Variants in DYNC2H1 observed in about 807,000 individuals in gnomAD.
DYNC2H1 encodes the protein cytoplasmic dynein 2 heavy chain 1.
DYNC2H1 carries 410 observed loss-of-function variants against 570.0 expected under a neutral mutation model. The observed-to-expected ratio is 0.72, with a 90% CI of 0.66 to 0.78. The LOEUF is 0.78. Among genes scored for constraint, DYNC2H1 ranks in the 30% least tolerant of loss-of-function variants. DYNC2H1 has a pLI of 0.00. For synonymous variants in DYNC2H1, 1,688 were observed against 1,677.6 expected, an observed-to-expected ratio of 1.01 and a Z score of -0.15; for missense variants, 4,865 against 5,046.4, an observed-to-expected ratio of 0.96 and a Z score of 1.09.
chr11:103,185,731 T>G lies in DYNC2H1; in HGVS notation c.6634-511T>G, dbSNP rs963491440. On this transcript the variant is annotated intron_variant, in intron 41 of 88. Coordinates refer to ENST00000375735, the MANE Select transcript of DYNC2H1 (RefSeq NM_001377.3). The surrounding 1 kb of genome is among the most constrained non-coding windows in gnomAD (Gnocchi z 4.5). ...TGTTACCACTCAGTGACATACTATA[T>G]GCTGCTTTTAAGCACATACTCTCTT... 6.6e-6 allele frequency among the ~76,000 whole-genome samples: 1 copy of G among 151,972 alleles called. No individual in the cohort carries two copies. The highest frequency in any genetic ancestry group is 2.4e-5 in the African/African-American group (1 of 41,422).
intron 69 of DYNC2H1, among the ~76,000 whole-genome samples, 158 bp from the exon 70 acceptor site, chr11:103,259,730 A>G (rs1865195025): frequency 6.6e-6 from 1 of 152,168 alleles, no homozygotes; most frequent in Non-Finnish European, 1.5e-5. Flanking sequence ...TTTTAATATT[A>G]TATTAGTATA....
At chr11:103,340,173 T>G (rs7481321) in intron 82 of DYNC2H1, among the ~76,000 whole-genome samples, 33,013 of 152,162 alleles carry the variant, frequency 0.22, 3,721 homozygotes, top group Admixed American at 0.31. Flanking sequence ...AGTGTTTTCT[T>G]GTGTTGATAG....
intron 84 of DYNC2H1, 28 bp from the exon 85 acceptor site, chr11:103,435,915 C>T: frequency 6.2e-7 from 1 of 1,606,604 alleles, no homozygotes; most frequent in Non-Finnish European, 8.5e-7. Context: ...TATACACAAA[C>T]TTAATTTTGA....
At chr11:103,398,866 T>C (rs1942503122) in intron 83 of DYNC2H1, among the ~76,000 whole-genome samples, 1 of 152,146 alleles carries the variant, frequency 6.6e-6, no homozygotes, top group Non-Finnish European at 1.5e-5. Flanking sequence ...AATACTAAGA[T>C]ATAATGTTCA....
chr11:103,424,225 G>C (rs1162518198), intron 84 of DYNC2H1, among the ~76,000 whole-genome samples: 2 of 151,292 alleles, frequency 1.3e-5, no homozygotes, highest in Non-Finnish European at 2.9e-5. Context: ...ACACTCTAGA[G>C]AGGTGACTTT....
At chr11:103,346,662 ATTAT>A (rs1013673968) in intron 82 of DYNC2H1, among the ~76,000 whole-genome samples, 3 of 152,182 alleles carry the variant, frequency 2.0e-5, no homozygotes, top group African/African-American at 7.2e-5. Flanking sequence ...TTATTAGGTT[ATTAT>A]TTAGTAAGAT....
chr11:103,146,022 C>G (rs184563316), intron 18 of DYNC2H1, among the ~76,000 whole-genome samples: 1 of 152,130 alleles, frequency 6.6e-6, no homozygotes, highest in African/African-American at 2.4e-5. Context: ...TATCAAGTAT[C>G]ATAAATCATG....
chr11:103,162,131 GC>G (rs1457221251), intron 29 of DYNC2H1, among the ~76,000 whole-genome samples: 1 of 152,098 alleles, frequency 6.6e-6, no homozygotes, highest in Non-Finnish European at 1.5e-5. Flanking sequence ...CTGGGCTAGA[GC>G]AGGTATACCA....
chr11:103,287,809 T>C (rs1591527407), intron 75 of DYNC2H1: 1 of 515,936 alleles, frequency 1.9e-6, no homozygotes. Context: ...GCCCAACAGG[T>C]TCAACTTGCC....
rs774455161 is a variant in DYNC2H1, at chr11:103,148,540, A to G, written c.2869A>G (p.Thr957Ala). 1.3e-6 allele frequency: 2 copies of G among 1,566,286 alleles called. No homozygotes were observed. Among genetic ancestry groups the G allele is most frequent in the Admixed American group, 1.9e-5 (1 of 53,252 alleles). ...TFVTEAMEVL[T>A]IMPQSVEEIG... is the part of the protein sequence containing the mutation. ...TGTTACTGAGGCTATGGAAGTCTTA[A>G]CAATTATGCCCCAGTCTGTGGAAGA... The change falls in exon 20 of 89, where the codon ACA becomes GCA. Residue 957 changes from threonine to alanine, a missense_variant. By Grantham distance (58) the Thr-to-Ala change is moderately conservative. This residue lies in a region of DYNC2H1 where 1,936 missense variants were observed against 1,962.1 expected (regional missense o/e 0.99). Transcript: ENST00000375735.
chr11:103,113,570 G>A lies in DYNC2H1; in HGVS notation c.229G>A (p.Val77Met). 1 of 1,576,790 alleles carries A rather than the reference G, an allele frequency of 6.3e-7. No homozygotes were observed. The stretch of plus-strand genomic sequence containing the variant: ...TGGTGACACAAAAGATAAAGTGCTG[G>A]TGTTTTTCAAGCTGCGACCTGAAGT... Reference protein sequence around the residue: ...EFGDTKDKVLVFFKLRPEVIT... With the variant: ...EFGDTKDKVLMFFKLRPEVIT... Residue 77 changes from valine to methionine, a missense_variant, in exon 2 of 89, where the codon GTG becomes ATG. Coordinates refer to ENST00000375735, the MANE Select transcript of DYNC2H1 (RefSeq NM_001377.3).
Position 103,319,779 on chromosome 11 carries a change from T to C in DYNC2H1, c.11726-1250T>C, listed in dbSNP as rs913602525. On this transcript the variant is annotated intron_variant, in intron 80 of 88. Transcript: ENST00000375735. The surrounding 1 kb of genome is among the most constrained non-coding windows in gnomAD (Gnocchi z 4.3). Reference sequence around the variant, plus strand: ...TATGTCTGTATTCCTTAATGACTTATCAATGACTGGCTAACTTATCAGTGA... The same window carrying C: ...TATGTCTGTATTCCTTAATGACTTACCAATGACTGGCTAACTTATCAGTGA... Among the ~76,000 whole-genome samples the C allele has an allele frequency of 6.6e-6, 1 of 152,214 alleles. No individual in the cohort carries two copies. Among genetic ancestry groups the C allele is most frequent in the Non-Finnish European group, 1.5e-5 (1 of 68,032 alleles).
In DYNC2H1 at chr11:103,203,874, T is replaced by G. The variant is rs550402501; in HGVS notation, c.8311+98T>G. 188 of 802,300 alleles carry G rather than the reference T, an allele frequency of 2.3e-4. 2 individuals are homozygous for G. Among genetic ancestry groups the G allele is most frequent in the Non-Finnish European group, 3.5e-4 (185 of 529,198 alleles). The allele number at this position is 802,300 out of a possible 1,614,324, so 49.7% of individuals were successfully genotyped here. On this transcript the variant is annotated intron_variant, in intron 51 of 88. Coordinates refer to ENST00000375735, the MANE Select transcript of DYNC2H1 (RefSeq NM_001377.3). The surrounding 1 kb of genome is among the most constrained non-coding windows in gnomAD (Gnocchi z 4.7). ...TTTGTCATTAGATTGCAAAGGTATC[T>G]TAAATCTTTTTTCTGGAGCTTTTAG...
intron 54 of DYNC2H1, among the ~76,000 whole-genome samples, chr11:103,214,858 C>A (rs887758956): frequency 7.1e-6 from 1 of 140,494 alleles, no homozygotes; most frequent in Non-Finnish European, 1.5e-5. Flanking sequence ...TTGTAGAGGT[C>A]TTTCCTCTCC....
At chr11:103,399,999 T>A in intron 84 of DYNC2H1, 127 bp downstream of exon 84, 1 of 733,492 alleles carries the variant, frequency 1.4e-6, no homozygotes, top group Non-Finnish European at 2.1e-6. Flanking sequence ...TTAAGCCATA[T>A]AAAAATTAAT....
intron 46 of DYNC2H1, among the ~76,000 whole-genome samples, 155 bp downstream of exon 46, chr11:103,191,774 C>T (rs1243875709): frequency 1.3e-5 from 2 of 151,450 alleles, no homozygotes. Context: ...TTTCTTCTTC[C>T]AAACTGTGTA....
chr11:103,203,640 A>T lies in DYNC2H1; in HGVS notation c.8198-23A>T, dbSNP rs115053471. On this transcript the variant is annotated intron_variant, in intron 50 of 88. Coordinates refer to ENST00000375735, the MANE Select transcript of DYNC2H1 (RefSeq NM_001377.3). The surrounding 1 kb of genome is among the most constrained non-coding windows in gnomAD (Gnocchi z 4.7). ...AGCATCATTTATTAAAATGTTTTCA[A>T]TTAGTCTAATATTTTTCTGTAGGTG... is the stretch of plus-strand genomic sequence containing the variant. The T allele has an allele frequency of 5.6e-6, 8 of 1,430,518 alleles. No homozygotes were observed. Among genetic ancestry groups the T allele is most frequent in the African/African-American group, 1.4e-5 (1 of 69,616 alleles). 88.6% of individuals were successfully genotyped at this position (1,430,518 alleles called of 1,614,324 possible).
rs201064333 is a variant in DYNC2H1 at position 103,149,783 on chromosome 11, T to A, written c.2946+1166T>A. On this transcript the variant is annotated intron_variant, in intron 20 of 88. Coordinates refer to ENST00000375735, the MANE Select transcript of DYNC2H1 (RefSeq NM_001377.3). ...ACACGTGTGTGCGTGTGTGTGTGTGTGAGAGAGAGTGAGCAAAAGAGGATT... is the reference window on the plus strand; with the variant it reads ...ACACGTGTGTGCGTGTGTGTGTGTGAGAGAGAGAGTGAGCAAAAGAGGATT... Among the ~76,000 whole-genome samples, 45 of 151,324 alleles carry A rather than the reference T, an allele frequency of 3.0e-4. No individual in the cohort carries two copies. In the East Asian group the frequency reaches 3.5e-3, roughly 12 times the overall value.
At chr11:103,142,154 C>T (rs776410053) in intron 17 of DYNC2H1, among the ~76,000 whole-genome samples, 1 of 152,252 alleles carries the variant, frequency 6.6e-6, no homozygotes, top group South Asian at 2.1e-4. Flanking sequence ...TGACTCCTTG[C>T]ACTTCGCGAG....
Sources: gnomAD v4.1 joint callset for allele counts (sites outside exome capture counted in the v4.1 genomes callset) on GRCh38, gnomAD v4.1.1 for gene constraint, gnomAD v4.1.1 regional missense constraint, Gnocchi (gnomAD v3.1) non-coding constraint, MANE v1.5 for transcripts, NCBI Gene and HGNC (gene_info 2026-07-23, HGNC 2026-07-21) for gene names.